The following CDK1 variants were observed in gnomAD, a reference collection of about 807,000 sequenced individuals.
CDK1 encodes cyclin dependent kinase 1, also known as cyclin-dependent kinase 1.
CDK1 carries 5 observed loss-of-function variants against 34.6 expected under a neutral mutation model. The ratio of observed to expected loss-of-function variants is 0.14; its 90% CI spans 0.08 to 0.30. The LOEUF (loss-of-function observed/expected upper bound fraction) is 0.30, where lower values mean the gene tolerates loss of function less well. Ranked by LOEUF, CDK1 falls within the 10% of genes least tolerant of loss-of-function variation. The pLI, the probability that CDK1 is intolerant of heterozygous loss-of-function variation, is 1.00. For missense variants in CDK1, 157 were observed against 345.7 expected (o/e 0.45, Z 4.33); for synonymous variants, 108 against 114.7 (o/e 0.94, Z 0.37).
intron 5 of CDK1, among the ~76,000 whole-genome samples, chr10:60,790,615 C>T (rs2132074182): frequency 6.6e-6 from 1 of 152,238 alleles, no homozygotes; most frequent in South Asian, 2.1e-4. Context: ...TTGTCCAGAT[C>T]AATATCAATA....
In CDK1 at chr10:60,794,688, G is replaced by GC. The variant is rs2080386198; in HGVS notation, c.*715dup. The GC allele has an allele frequency of 6.6e-6, 1 of 152,038 alleles. No homozygotes were observed. Among genetic ancestry groups the GC allele is most frequent in the Non-Finnish European group, 1.5e-5 (1 of 67,958 alleles). 9.4% of individuals were successfully genotyped at this position (152,038 alleles called of 1,614,324 possible). ...GCTTTTTGTCTAAGTGAATTCTTAT[G>GC]CCTTGGTCAGAGTAATAACTGAAGG... On this transcript the variant is annotated 3_prime_UTR_variant, in exon 8 of 8. Coordinates refer to ENST00000395284, the MANE Select transcript of CDK1 (RefSeq NM_001786.5).
intron 7 of CDK1, among the ~76,000 whole-genome samples, chr10:60,792,538 T>C (rs1334111403): frequency 2.3e-5 from 2 of 86,780 alleles, no homozygotes; most frequent in East Asian, 8.2e-4. Flanking sequence ...AAGCCAGGAT[T>C]AATACACATT....
intron 2 of CDK1, among the ~76,000 whole-genome samples, chr10:60,781,863 A>G (rs1017720353): frequency 2.6e-5 from 4 of 152,150 alleles, no homozygotes; most frequent in African/African-American, 4.8e-5. Flanking sequence ...CCCACTGCCT[A>G]TCAGTAGTGC....
chr10:60,785,489 G>T (rs1031065044), intron 3 of CDK1, among the ~76,000 whole-genome samples, 175 bp from the exon 4 acceptor site: 3 of 152,152 alleles, frequency 2.0e-5, no homozygotes, highest in Non-Finnish European at 4.4e-5. Context: ...ATTTTAAATA[G>T]TTGCCCTGAG....
intron 5 of CDK1, among the ~76,000 whole-genome samples, chr10:60,789,139 T>TG (rs889737645): frequency 1.2e-4 from 18 of 152,168 alleles, no homozygotes; most frequent in African/African-American, 4.1e-4. Context: ...TACATATTTA[T>TG]GGGGTACAGT....
At chr10:60,789,131 C>T (rs1194318914) in intron 5 of CDK1, among the ~76,000 whole-genome samples, 3 of 151,972 alleles carry the variant, frequency 2.0e-5, no homozygotes, top group Non-Finnish European at 4.4e-5. Flanking sequence ...CATTATTATA[C>T]ATATTTATGG....
chr10:60,786,343 TAC>T, intron 4 of CDK1: 1 of 894,028 alleles, frequency 1.1e-6, no homozygotes, highest in Non-Finnish European at 1.3e-6. Flanking sequence ...TTTTTTTTTT[TAC>T]ACAAGGTGGA....
intron 2 of CDK1, among the ~76,000 whole-genome samples, chr10:60,781,543 C>T (rs910601263): frequency 6.6e-6 from 1 of 152,146 alleles, no homozygotes; most frequent in Admixed American, 6.5e-5. Context: ...CGCTTTAACT[C>T]AGAAAACCTT....
rs1212448928 is a variant in CDK1, at chr10:60,794,027, ATTG to A, written c.*55_*57del. On this transcript the variant is annotated 3_prime_UTR_variant, in exon 8 of 8. Coordinates refer to ENST00000395284, the MANE Select transcript of CDK1 (RefSeq NM_001786.5). ...TATATCAACAGATAGTTGTGTTTTT[ATTG>A]TTAACTCTTGTCTATTTTTGTCTTA... is the stretch of plus-strand genomic sequence containing the variant. 4.7e-6 allele frequency: 4 copies of A among 858,650 alleles called. No individual in the cohort carries two copies. Among genetic ancestry groups the A allele is most frequent in the Non-Finnish European group, 5.5e-6 (3 of 543,790 alleles). The allele number at this position is 858,650 out of a possible 1,614,324, so 53.2% of individuals were successfully genotyped here. A position where few individuals can be genotyped will look rare whatever the true frequency, so the allele number is the denominator to read the frequency against.
chr10:60,779,964 GA>G (rs1241095892), intron 1 of CDK1, among the ~76,000 whole-genome samples, 176 bp from the exon 2 acceptor site: 3 of 152,204 alleles, frequency 2.0e-5, no homozygotes, highest in Non-Finnish European at 4.4e-5. Context: ...AAGAAGGATG[GA>G]AAGTTATTGT....
chr10:60,783,864 A>G (rs1037698364), intron 2 of CDK1, among the ~76,000 whole-genome samples: 2 of 149,742 alleles, frequency 1.3e-5, no homozygotes, highest in Admixed American at 6.7e-5. Flanking sequence ...AGTACATACA[A>G]TGTGCTTTAT....
intron 2 of CDK1, among the ~76,000 whole-genome samples, chr10:60,781,089 A>G (rs976710055): frequency 6.6e-6 from 1 of 151,952 alleles, no homozygotes; most frequent in African/African-American, 2.4e-5. Context: ...AATACCTCAT[A>G]CCCATTCTAC....
Position 60,794,081 on chromosome 10 carries a change from C to T in CDK1, c.*106C>T. ...TATATATTTCTTTGTTATCAAACTT[C>T]AGCTGTACTTCGTCTTCTAATTTCA... On this transcript the variant is annotated 3_prime_UTR_variant, in exon 8 of 8. Coordinates refer to ENST00000395284, the MANE Select transcript of CDK1 (RefSeq NM_001786.5). 1 of 593,644 alleles carries T rather than the reference C, an allele frequency of 1.7e-6. No individual in the cohort carries two copies. The highest frequency in any genetic ancestry group is 3.1e-5 in the Admixed American group (1 of 31,850). The allele number at this position is 593,644 out of a possible 1,614,324, so 36.8% of individuals were successfully genotyped here.
At chr10:60,786,084 A>T in intron 4 of CDK1, 1 of 1,028,760 alleles carries the variant, frequency 9.7e-7, no homozygotes, top group Non-Finnish European at 1.2e-6. Flanking sequence ...AAACAAAGTA[A>T]TGAAAGCCTA....
intron 2 of CDK1, chr10:60,783,404 A>G (rs542971162): frequency 8.5e-5 from 13 of 152,168 alleles, no homozygotes; most frequent in Non-Finnish European, 1.9e-4. Context: ...AGTAGCATCA[A>G]TTTGCTACTG....
intron 7 of CDK1, 34 bp from the exon 8 acceptor site, chr10:60,793,843 C>G (rs750164314): frequency 1.7e-6 from 2 of 1,212,104 alleles, no homozygotes; most frequent in Non-Finnish European, 2.4e-6. Flanking sequence ...GGTTTATTTC[C>G]TAAATAAATA....
At chr10:60,786,332 A>G in intron 4 of CDK1, 6 of 757,704 alleles carry the variant, frequency 7.9e-6, no homozygotes, top group Non-Finnish European at 9.6e-6. Context: ...GTATATAAAG[A>G]TTTTTTTTTT....
intron 2 of CDK1, 98 bp from the exon 3 acceptor site, chr10:60,784,607 A>G (rs1589111204): frequency 9.8e-7 from 1 of 1,021,364 alleles, no homozygotes; most frequent in Non-Finnish European, 1.4e-6. Context: ...TCCAACCTGG[A>G]CAAGAAAACA....
intron 2 of CDK1, among the ~76,000 whole-genome samples, chr10:60,782,858 C>A (rs1015845914): frequency 1.3e-5 from 2 of 151,998 alleles, no homozygotes; most frequent in African/African-American, 4.8e-5. Flanking sequence ...TTTGTTTAAC[C>A]CCTCTTCCAG....
Sources: allele counts gnomAD v4.1 joint callset (sites outside exome capture counted in the v4.1 genomes callset), GRCh38; gene constraint gnomAD v4.1.1; transcripts MANE v1.5; gene names NCBI Gene and HGNC (gene_info 2026-07-23, HGNC 2026-07-21).